The following PIP4K2A variants were observed in gnomAD, a reference collection of about 807,000 sequenced individuals.
The protein encoded by PIP4K2A is phosphatidylinositol 5-phosphate 4-kinase type-2 alpha.
In PIP4K2A, 14 loss-of-function variants were observed where a neutral mutation model predicts 42.9. The ratio of observed to expected loss-of-function variants is 0.33; its 90% confidence interval spans 0.22 to 0.51. The LOEUF (loss-of-function observed/expected upper bound fraction) is 0.51. Among genes scored for constraint, PIP4K2A ranks in the 20% least tolerant of loss-of-function variants. The probability of loss-of-function intolerance (pLI) is 0.97; values close to 1 mark genes in which losing one functional copy is unlikely to be tolerated. For missense variants in PIP4K2A, 434 were observed against 519.8 expected, an observed-to-expected ratio of 0.83 and a Z score of 1.61; for synonymous variants, 192 against 192.2, an observed-to-expected ratio of 1.00 and a Z score of 0.01.
chr10:22,613,980 C>T (rs939446114), intron 1 of PIP4K2A, among the ~76,000 whole-genome samples: 2 of 152,158 alleles, frequency 1.3e-5, no homozygotes, highest in African/African-American at 2.4e-5. Context: ...TAGTAAAATA[C>T]CAAGCAGCAC....
intron 1 of PIP4K2A, among the ~76,000 whole-genome samples, chr10:22,713,015 T>C (rs948211832): frequency 6.6e-6 from 1 of 151,878 alleles, no homozygotes; most frequent in Admixed American, 6.6e-5. Flanking sequence ...CATACAGACA[T>C]CCATCGAAAT....
chr10:22,649,751 G>A (rs1838954745), intron 1 of PIP4K2A, among the ~76,000 whole-genome samples: 1 of 152,198 alleles, frequency 6.6e-6, no homozygotes, highest in Non-Finnish European at 1.5e-5. Flanking sequence ...CAGTAAGAGG[G>A]ATGGCCATAC....
chr10:22,623,854 G>C (rs1241864198), intron 1 of PIP4K2A, among the ~76,000 whole-genome samples: 1 of 152,168 alleles, frequency 6.6e-6, no homozygotes, highest in African/African-American at 2.4e-5. Context: ...TGAGCCCTGA[G>C]CTCCCAGGGT....
chr10:22,550,746 A>T lies in PIP4K2A; in HGVS notation c.705T>A (p.Asp235Glu), dbSNP rs1233406971. Residue 235 changes from aspartate (D) to glutamate (E), a missense_variant, in exon 7 of 10, where the codon GAT becomes GAA. This residue lies in a region of PIP4K2A where 395 missense variants were observed against 444.5 expected (regional missense o/e 0.89). Transcript: ENST00000376573. ...EKAKELPTLK[D>E]NDFINEGQKI... ...TTTGGCCCTCATTAATGAAATCATT[A>T]TCTTTCAGAGTTGGCAGTTCTTTGG... 6.2e-7 allele frequency: 1 copy of T among 1,604,516 alleles called. No homozygotes were observed. Among genetic ancestry groups the T allele is most frequent in the Non-Finnish European group, 8.5e-7 (1 of 1,171,144 alleles).
At chr10:22,579,961 T>C (rs1446463691) in intron 4 of PIP4K2A, among the ~76,000 whole-genome samples, 1 of 150,640 alleles carries the variant, frequency 6.6e-6, no homozygotes, top group African/African-American at 2.5e-5. Context: ...CCCATTCTGA[T>C]GAATGTGGAG....
intron 1 of PIP4K2A, among the ~76,000 whole-genome samples, chr10:22,690,868 C>T (rs1481664478): frequency 6.6e-6 from 1 of 152,064 alleles, no homozygotes; most frequent in African/African-American, 2.4e-5. Flanking sequence ...TTCCTCTAAA[C>T]AAGAAAAAAA....
chr10:22,591,728 T>C lies in PIP4K2A; in HGVS notation c.393A>G (p.Gly131=), dbSNP rs770415926. 5.6e-6 allele frequency: 9 copies of C among 1,613,328 alleles called. No homozygotes were observed. The Admixed American group carries it at 1.2e-4, about 21-fold the overall frequency. The change falls in exon 4 of 10, where the codon GGA becomes GGG. Residue 131 remains glycine, a synonymous_variant. Transcript: ENST00000376573. ...PLPNDSQARS[G]ARFHTSYDKR... Reference sequence around the variant, plus strand: ...TGTCGTAGGAAGTGTGAAAACGAGCTCCACTGCGGGCCTGGGAGTCGTTGG... The same window carrying C: ...TGTCGTAGGAAGTGTGAAAACGAGCCCCACTGCGGGCCTGGGAGTCGTTGG...
intron 1 of PIP4K2A, among the ~76,000 whole-genome samples, chr10:22,671,376 G>A (rs1839445647): frequency 6.6e-6 from 1 of 152,162 alleles, no homozygotes; most frequent in South Asian, 2.1e-4. Context: ...TTTTTAAAAA[G>A]AGCTGGCACT....
At chr10:22,587,780 G>A (rs978229181) in intron 4 of PIP4K2A, among the ~76,000 whole-genome samples, 2 of 152,198 alleles carry the variant, frequency 1.3e-5, no homozygotes, top group South Asian at 2.1e-4. Flanking sequence ...CAGCCGGTGT[G>A]CATTATAGCC....
At chr10:22,557,942 G>T (rs1186708742) in intron 6 of PIP4K2A, among the ~76,000 whole-genome samples, 1 of 152,118 alleles carries the variant, frequency 6.6e-6, no homozygotes, top group Non-Finnish European at 1.5e-5. Flanking sequence ...AATGCAAACA[G>T]GATTTTGGCA....
chr10:22,568,202 C>T (rs1359233994), intron 5 of PIP4K2A, among the ~76,000 whole-genome samples: 2 of 152,252 alleles, frequency 1.3e-5, no homozygotes, highest in East Asian at 3.8e-4. Context: ...TGAGCAGTAA[C>T]TTACTCAACA....
intron 3 of PIP4K2A, among the ~76,000 whole-genome samples, chr10:22,598,924 T>C (rs1262367700): frequency 4.6e-5 from 7 of 152,234 alleles, no homozygotes; most frequent in Non-Finnish European, 1.0e-4. Flanking sequence ...CTTTTCTTCT[T>C]TCTATACATT....
rs117313098 is a variant in PIP4K2A, at chr10:22,545,089, T to C, written c.793-3042A>G. 1.7e-4 allele frequency among the ~76,000 whole-genome samples: 26 copies of C among 152,338 alleles called. No homozygotes were observed. In the East Asian group the frequency reaches 5.0e-3, roughly 29 times the overall value. On this transcript the variant is annotated intron_variant, in intron 7 of 9. Transcript: ENST00000376573. ...TCCCGAATCCCGGCAGGCAGAGGGC[T>C]CGGGAAAGTATTCGGCACTTGTTGG... is the stretch of plus-strand genomic sequence containing the variant.
intron 1 of PIP4K2A, among the ~76,000 whole-genome samples, chr10:22,692,798 TATGGTATAGGAA>T (rs1425826602): frequency 6.6e-6 from 1 of 152,192 alleles, no homozygotes; most frequent in Non-Finnish European, 1.5e-5. Context: ...CCAAGGTAAC[TATGGTATAGGAA>T]TCTTCTTTCA....
In PIP4K2A at chr10:22,567,971, C is replaced by CGGA. The variant is rs558998182; in HGVS notation, c.640-85_640-83dup. 27 of 1,275,846 alleles carry CGGA rather than the reference C, an allele frequency of 2.1e-5. No individual in the cohort carries two copies. In the East Asian group the frequency reaches 4.6e-4, roughly 22 times the overall value. The allele number at this position is 1,275,846 out of a possible 1,614,324, so 79.0% of individuals were successfully genotyped here. ...CAGAAAATATGAAAATGGCTCCAGGCGGAGCAGAGAGCCAGCTCAGCACCC... is the reference window on the plus strand; with the variant it reads ...CAGAAAATATGAAAATGGCTCCAGGCGGAGGAGCAGAGAGCCAGCTCAGCACCC... On this transcript the variant is annotated intron_variant, in intron 5 of 9. Coordinates refer to ENST00000376573, the MANE Select transcript of PIP4K2A (RefSeq NM_005028.5).
chr10:22,615,747 A>G (rs183013680), intron 1 of PIP4K2A, among the ~76,000 whole-genome samples: 69 of 152,364 alleles, frequency 4.5e-4, no homozygotes, highest in East Asian at 1.5e-3. Flanking sequence ...CAAAAGAGCA[A>G]TATCACTTTA....
intron 1 of PIP4K2A, among the ~76,000 whole-genome samples, chr10:22,712,832 G>C (rs1374191126): frequency 1.3e-5 from 2 of 151,892 alleles, no homozygotes; most frequent in Admixed American, 1.3e-4. Context: ...ATACTGTTTT[G>C]CCCTTCCCCC....
In PIP4K2A at chr10:22,664,128, T is replaced by TATATATATACATATATATAC. The variant is rs1564460040; in HGVS notation, c.144+50054_144+50055insGTATATATATGTATATATAT. ...ACATATATATATACATATATATATATACATATATATATACATATATATACA... is the reference window on the plus strand; with the variant it reads ...ACATATATATATACATATATATATATATATATATACATATATATACACATATATATATACATATATATACA... On this transcript the variant is annotated intron_variant, in intron 1 of 9. Transcript: ENST00000376573. Among the ~76,000 whole-genome samples the TATATATATACATATATATAC allele has an allele frequency of 1.1e-4, 7 of 61,742 alleles. No homozygotes were observed. In the East Asian group the frequency reaches 2.1e-3, roughly 18 times the overall value. 40.5% of individuals were successfully genotyped at this position (61,742 alleles called of 152,430 possible). A position where few individuals can be genotyped will look rare whatever the true frequency, so the allele number is the denominator to read the frequency against.
chr10:22,538,812 TC>T (rs1836007465), intron 9 of PIP4K2A, among the ~76,000 whole-genome samples: 1 of 152,042 alleles, frequency 6.6e-6, no homozygotes, highest in Non-Finnish European at 1.5e-5. Flanking sequence ...GGCGGTGAGG[TC>T]CCAGTCTGTG....
Sources: allele counts gnomAD v4.1 joint callset (sites outside exome capture counted in the v4.1 genomes callset), GRCh38; gene constraint gnomAD v4.1.1; regional missense constraint gnomAD v4.1.1; transcripts MANE v1.5; gene names NCBI Gene and HGNC (gene_info 2026-07-23, HGNC 2026-07-21).